The following DST variants were observed in gnomAD, a reference collection of about 807,000 sequenced individuals.
DST encodes bullous pemphigoid antigen.
A neutral mutation model predicts 875.2 loss-of-function variants in DST; 253 were observed. The observed-to-expected ratio is 0.29, with a 90% CI of 0.26 to 0.32. The LOEUF (loss-of-function observed/expected upper bound fraction) is 0.32. DST is among the 10% of genes least tolerant of loss of function. DST has a pLI of 1.00. For missense variants in DST, 8,287 were observed against 9,111.6 expected (o/e 0.91, Z 3.68); for synonymous variants, 3,124 against 3,197.1 (o/e 0.98, Z 0.77).
intron 39 of DST, among the ~76,000 whole-genome samples, chr6:56,609,706 T>C (rs1256708374): frequency 3.9e-5 from 6 of 152,252 alleles, no homozygotes; most frequent in Admixed American, 3.9e-4. Context: ...TAGGTGAGAT[T>C]AGAGTCTAGT....
intron 4 of DST, among the ~76,000 whole-genome samples, chr6:56,736,423 C>T (rs1364477454): frequency 1.3e-5 from 2 of 152,216 alleles, no homozygotes; most frequent in African/African-American, 4.8e-5. Flanking sequence ...GCATTCAAAA[C>T]TGTATTACAC....
chr6:56,705,586 T>A (rs1325548142), intron 5 of DST, among the ~76,000 whole-genome samples: 1 of 152,214 alleles, frequency 6.6e-6, no homozygotes, highest in East Asian at 1.9e-4. Context: ...CTTTTGTTAG[T>A]GTCAGAAAAT....
chr6:56,581,602 A>C (rs2097996695), intron 49 of DST, among the ~76,000 whole-genome samples: 1 of 152,226 alleles, frequency 6.6e-6, no homozygotes, highest in Non-Finnish European at 1.5e-5. Context: ...TTGACCCTGC[A>C]TTTCTAACAG....
chr6:56,659,966 A>C (rs552006026), intron 10 of DST, among the ~76,000 whole-genome samples: 2 of 152,228 alleles, frequency 1.3e-5, no homozygotes, highest in Non-Finnish European at 2.9e-5. Flanking sequence ...TGGATGCAGA[A>C]GAAGATAGGT....
At chr6:56,609,756 T>C (rs1401897934) in intron 39 of DST, among the ~76,000 whole-genome samples, 1 of 152,166 alleles carries the variant, frequency 6.6e-6, no homozygotes, top group Non-Finnish European at 1.5e-5. Context: ...TATTGATGTT[T>C]ACAGCATACA....
chr6:56,784,788 G>A (rs1465449177), intron 4 of DST, among the ~76,000 whole-genome samples: 1 of 152,224 alleles, frequency 6.6e-6, no homozygotes, highest in Non-Finnish European at 1.5e-5. Context: ...TCCTTTGGAG[G>A]AGGAGAGGCG....
rs767143617 is a variant in DST at position 56,954,422 on chromosome 6, G to A, written c.166C>T (p.Arg56Cys). The A allele has an allele frequency of 1.5e-6, 2 of 1,367,216 alleles. No individual in the cohort carries two copies. The highest frequency in any genetic ancestry group is 1.1e-5 in the South Asian group (1 of 87,926). The allele number at this position is 1,367,216 out of a possible 1,614,324, so 84.7% of individuals were successfully genotyped here. A position where few individuals can be genotyped will look rare whatever the true frequency, so the allele number is the denominator to read the frequency against. ...CGTGTCTTACCTCGGCTTCTTGAAC[G>A]ACCCGAGAAGACCGATTTCATCGGA... is the stretch of plus-strand genomic sequence containing the variant. Reference protein sequence around the residue: ...RHPMKSVFSGRSRSRDAVLRS... With the variant: ...RHPMKSVFSGCSRSRDAVLRS... Residue 56 changes from arginine to cysteine, a missense_variant, in exon 1 of 104, where the codon CGT becomes TGT. Around this residue, in one of 10 missense-constraint regions of DST, gnomAD observed 1,160 missense variants for 1,424.3 expected, o/e 0.81. Transcript: ENST00000680361.
intron 4 of DST, among the ~76,000 whole-genome samples, chr6:56,798,618 C>G (rs921583631): frequency 1.3e-5 from 2 of 152,048 alleles, no homozygotes; most frequent in African/African-American, 4.8e-5. Context: ...CGTTCTGTAG[C>G]CCATGGAACA....
chr6:56,722,971 A>T (rs996279711), intron 5 of DST, among the ~76,000 whole-genome samples: 5 of 152,226 alleles, frequency 3.3e-5, no homozygotes, highest in Admixed American at 6.5e-5. Flanking sequence ...ATAAAAACTG[A>T]AAGAGAATAT....
intron 61 of DST, chr6:56,542,428 TAAAAAAAAAAAAAAA>T (rs60688419): frequency 1.5e-5 from 1 of 68,088 alleles, no homozygotes; most frequent in Non-Finnish European, 2.6e-5. Flanking sequence ...TAAGCTTCTT[TAAAAAAAAAAAAAAA>T]AAAAAAAAAA....
intron 4 of DST, among the ~76,000 whole-genome samples, chr6:56,793,907 T>C (rs972825834): frequency 6.6e-6 from 1 of 152,188 alleles, no homozygotes; most frequent in Non-Finnish European, 1.5e-5. Context: ...ATCGCTGAGG[T>C]ATAAATGGTA....
intron 103 of DST, 80 bp downstream of exon 103, chr6:56,460,051 C>T (rs2094249075): frequency 4.1e-6 from 6 of 1,481,174 alleles, no homozygotes; most frequent in Non-Finnish European, 5.4e-6. Context: ...ATTTCTTCCC[C>T]AATGAGGAGG....
intron 38 of DST, 90 bp from the exon 39 acceptor site, chr6:56,610,652 T>C (rs556694420): frequency 3.0e-5 from 31 of 1,035,920 alleles, no homozygotes; most frequent in African/African-American, 6.5e-5. Flanking sequence ...CATATGATGG[T>C]AAAATAAAAT....
intron 38 of DST, among the ~76,000 whole-genome samples, chr6:56,611,284 TA>T (rs2098542231): frequency 6.6e-6 from 1 of 152,194 alleles, no homozygotes; most frequent in African/African-American, 2.4e-5. Context: ...CCTGTTTCCT[TA>T]TCGGTAATAC....
At chr6:56,952,181 C>T (rs9396240) in intron 2 of DST, among the ~76,000 whole-genome samples, 8,957 of 152,174 alleles carry the variant, frequency 0.059, 386 homozygotes, top group East Asian at 0.18. Flanking sequence ...TAAACAACTA[C>T]CCCCAGCTTT....
chr6:56,725,877 T>C (rs1451421153), intron 5 of DST, among the ~76,000 whole-genome samples: 2 of 152,132 alleles, frequency 1.3e-5, no homozygotes, highest in Admixed American at 6.5e-5. Flanking sequence ...TATTAATGAA[T>C]GCCATGGGTT....
intron 4 of DST, among the ~76,000 whole-genome samples, chr6:56,835,877 T>TTA (rs1196960654): frequency 1.3e-5 from 2 of 152,248 alleles, no homozygotes; most frequent in East Asian, 3.8e-4. Flanking sequence ...TCAACGCTCT[T>TTA]TGACAATTCT....
At chr6:56,491,166 C>T (rs995605830) in intron 85 of DST, among the ~76,000 whole-genome samples, 1 of 152,176 alleles carries the variant, frequency 6.6e-6, no homozygotes, top group African/African-American at 2.4e-5. Context: ...ACCTCCCATT[C>T]AAAATGGGGT....
intron 58 of DST, among the ~76,000 whole-genome samples, chr6:56,558,193 C>T (rs960857005): frequency 6.6e-6 from 1 of 152,146 alleles, no homozygotes; most frequent in Non-Finnish European, 1.5e-5. Context: ...CCCTCCTTTA[C>T]ATTCTCAATG....
Sources: gnomAD v4.1 joint callset for allele counts (sites outside exome capture counted in the v4.1 genomes callset) on GRCh38, gnomAD v4.1.1 for gene constraint, gnomAD v4.1.1 regional missense constraint, MANE v1.5 for transcripts, NCBI Gene and HGNC (gene_info 2026-07-23, HGNC 2026-07-21) for gene names.